Variants in LINGO2 observed in about 807,000 individuals in gnomAD.
The protein encoded by LINGO2 is leucine rich repeat and Ig domain containing 2, also known as leucine-rich repeat and immunoglobulin-like domain-containing nogo receptor-interacting protein 2.
A neutral mutation model predicts 30.6 loss-of-function variants in LINGO2; 14 were observed. That is an observed-to-expected ratio of 0.46 (90% CI 0.30 to 0.72). The LOEUF is 0.72. Among genes scored for constraint, LINGO2 ranks in the 30% least tolerant of loss-of-function variants. The pLI is 0.07. For missense variants in LINGO2, 729 were observed against 751.7 expected (o/e 0.97, Z 0.35); for synonymous variants, 317 against 288.5 (o/e 1.10, Z -1.00).
At chr9:27,938,959 C>T in the LINGO2 span, 14 of 151,962 alleles carry the variant, frequency 9.2e-5, no homozygotes, top group South Asian at 6.2e-4. Flanking sequence ...AGGAAAGGAC[C>T]GAGTAGATTC....
chr9:28,967,612 A>G, the LINGO2 span, among the ~76,000 whole-genome samples: 1 of 152,086 alleles, frequency 6.6e-6, no homozygotes, highest in African/African-American at 2.4e-5. Flanking sequence ...TCATTCAGTT[A>G]TGTTTTATCA....
chr9:29,155,398 T>G, the LINGO2 span, among the ~76,000 whole-genome samples: 1 of 152,110 alleles, frequency 6.6e-6, no homozygotes, highest in Non-Finnish European at 1.5e-5. Flanking sequence ...TTTTAAAAAA[T>G]TACTGTCTTT....
chr9:28,699,817 A>T, the LINGO2 span, among the ~76,000 whole-genome samples: 1 of 151,756 alleles, frequency 6.6e-6, no homozygotes, highest in Admixed American at 6.6e-5. Context: ...ATGAGGACTG[A>T]GATAAGCCCT....
intron 1 of LINGO2, among the ~76,000 whole-genome samples, chr9:28,665,825 T>C (rs774759647): frequency 6.6e-6 from 1 of 152,098 alleles, no homozygotes; most frequent in Non-Finnish European, 1.5e-5. Flanking sequence ...ATGATCAATA[T>C]TGGCTGGTAG....
the LINGO2 span, among the ~76,000 whole-genome samples, chr9:28,798,735 A>G: frequency 1.3e-5 from 2 of 152,138 alleles, no homozygotes; most frequent in Admixed American, 1.3e-4. Flanking sequence ...AGAACTGTTG[A>G]AAGGTGGCTT....
At chr9:28,070,586 A>G (rs1299119740) in intron 4 of LINGO2, among the ~76,000 whole-genome samples, 1 of 152,182 alleles carries the variant, frequency 6.6e-6, no homozygotes, top group Non-Finnish European at 1.5e-5. Context: ...TAAAATAGTA[A>G]ATCATTTATA....
chr9:28,688,650 T>C, the LINGO2 span, among the ~76,000 whole-genome samples: 3 of 152,160 alleles, frequency 2.0e-5, no homozygotes, highest in African/African-American at 7.2e-5. Context: ...CAACAAGAAC[T>C]AATTATTACA....
chr9:28,936,167 C>T, the LINGO2 span, among the ~76,000 whole-genome samples: 3 of 152,104 alleles, frequency 2.0e-5, no homozygotes, highest in Admixed American at 6.6e-5. Flanking sequence ...TCAATGAAGT[C>T]ATAAGGAGAC....
rs1443712581 is a variant in LINGO2, at chr9:28,233,051, T to TA, written c.-87+62156dup. Reference sequence around the variant, plus strand: ...AACATTATATATATATATATATATATATATATATATTAGATATATAATAGA... The same window carrying TA: ...AACATTATATATATATATATATATATAATATATATATTAGATATATAATAGA... On this transcript the variant is annotated intron_variant, in intron 4 of 5. Coordinates refer to ENST00000379992, the Ensembl canonical transcript of LINGO2. Among the ~76,000 whole-genome samples the TA allele has an allele frequency of 6.3e-3, 759 of 120,198 alleles. 30 individuals carry two copies. Among genetic ancestry groups the TA allele is most frequent in the African/African-American group, 0.025 (726 of 29,054 alleles). 78.9% of individuals were successfully genotyped at this position (120,198 alleles called of 152,430 possible).
intron 4 of LINGO2, among the ~76,000 whole-genome samples, chr9:28,200,357 C>A (rs947995690): frequency 2.0e-5 from 3 of 152,084 alleles, no homozygotes; most frequent in African/African-American, 7.2e-5. Context: ...GAAAAAAAAG[C>A]CTCCAAATTT....
chr9:29,005,198 A>G, the LINGO2 span, among the ~76,000 whole-genome samples: 1 of 152,050 alleles, frequency 6.6e-6, no homozygotes, highest in Non-Finnish European at 1.5e-5. Flanking sequence ...ATTCAGCAAA[A>G]TAATTTGCTT....
chr9:28,884,033 T>G, the LINGO2 span, among the ~76,000 whole-genome samples: 1 of 152,060 alleles, frequency 6.6e-6, no homozygotes, highest in Non-Finnish European at 1.5e-5. Flanking sequence ...ATTAAATCAT[T>G]AAATGTTAAT....
At chr9:28,435,277 C>A (rs1324193906) in intron 2 of LINGO2, among the ~76,000 whole-genome samples, 1 of 152,082 alleles carries the variant, frequency 6.6e-6, no homozygotes, top group Non-Finnish European at 1.5e-5. Flanking sequence ...GTCATTTTAA[C>A]CATATTTCAT....
At chr9:28,357,326 C>CCA (rs1820259341) in intron 3 of LINGO2, among the ~76,000 whole-genome samples, 1 of 145,296 alleles carries the variant, frequency 6.9e-6, no homozygotes, top group Admixed American at 6.9e-5. Flanking sequence ...CCCACCCCCC[C>CCA]CAAAAAAGAA....
chr9:28,085,085 AC>A (rs1448601145), intron 4 of LINGO2, among the ~76,000 whole-genome samples: 1 of 152,172 alleles, frequency 6.6e-6, no homozygotes, highest in East Asian at 1.9e-4. Flanking sequence ...GAACTCAGAG[AC>A]AGAGAAAGCT....
At chr9:29,209,082 A>C in the LINGO2 span, among the ~76,000 whole-genome samples, 4 of 152,246 alleles carry the variant, frequency 2.6e-5, no homozygotes, top group South Asian at 8.3e-4. Flanking sequence ...TCACTCTACT[A>C]CTTGCTGAAT....
At chr9:28,530,496 A>C (rs1490775319) in intron 1 of LINGO2, among the ~76,000 whole-genome samples, 2 of 152,182 alleles carry the variant, frequency 1.3e-5, no homozygotes, top group African/African-American at 4.8e-5. Context: ...CAGAGTAAAC[A>C]TAACGGCCCC....
intron 4 of LINGO2, among the ~76,000 whole-genome samples, chr9:28,066,711 T>C (rs1317269902): frequency 6.6e-6 from 1 of 152,076 alleles, no homozygotes; most frequent in Non-Finnish European, 1.5e-5. Context: ...AACAAGATCT[T>C]TAAAATTTAG....
intron 5 of LINGO2, among the ~76,000 whole-genome samples, chr9:27,965,622 G>A (rs1195174282): frequency 7.9e-5 from 12 of 152,052 alleles, no homozygotes; most frequent in East Asian, 5.8e-4. Context: ...AATCTTTCCC[G>A]AAACTGGAGA....
Sources: allele counts gnomAD v4.1 joint callset (sites outside exome capture counted in the v4.1 genomes callset), GRCh38; gene constraint gnomAD v4.1.1; transcripts MANE v1.5; gene names NCBI Gene and HGNC (gene_info 2026-07-23, HGNC 2026-07-21).